The following SH3BP4 variants were observed in gnomAD, a reference collection of about 807,000 sequenced individuals.
SH3BP4 encodes the protein SH3 domain-binding protein 4.
A neutral mutation model predicts 65.5 loss-of-function variants in SH3BP4; 33 were observed. That is an observed-to-expected ratio of 0.50 (90% CI 0.38 to 0.67). The LOEUF (loss-of-function observed/expected upper bound fraction) is 0.67, where lower values mean the gene tolerates loss of function less well. Ranked by LOEUF, SH3BP4 falls within the 30% of genes least tolerant of loss-of-function variation. SH3BP4 has a pLI of 0.00. For missense variants in SH3BP4, 1,134 were observed against 1,261.4 expected, an observed-to-expected ratio of 0.90 and a Z score of 1.53; for synonymous variants, 552 against 545.5, an observed-to-expected ratio of 1.01 and a Z score of -0.17.
intron 3 of SH3BP4, among the ~76,000 whole-genome samples, chr2:235,038,313 T>A (rs1370623785): frequency 0.056 from 826 of 14,642 alleles, 64 homozygotes; most frequent in African/African-American, 0.19. Flanking sequence ...ATATATATAT[T>A]ATATATTATA....
At position 235,041,488 on chromosome 2, in the gene SH3BP4, G is replaced by C. The variant is rs1262378501; in HGVS notation, c.719G>C (p.Arg240Thr). ...PPVRRDNPFF[R>T]SKRSYSLSEL... ...GTCAGGCGGGACAACCCCTTCTTCAGAAGCAAGCGCTCCTACAGTCTCTCG... is the reference window on the plus strand; with the variant it reads ...GTCAGGCGGGACAACCCCTTCTTCACAAGCAAGCGCTCCTACAGTCTCTCG... Residue 240 changes from arginine (R) to threonine (T), a missense_variant, in exon 4 of 6, where the codon AGA becomes ACA. Physicochemically the swap from Arg to Thr is moderately conservative, Grantham distance 71. Transcript: ENST00000392011. This position sits in a 1 kb window ranked among gnomAD's most constrained non-coding sequence, Gnocchi z 6.0. 1 of 1,614,198 alleles carries C rather than the reference G, an allele frequency of 6.2e-7. No homozygotes were observed. The highest frequency in any genetic ancestry group is 1.3e-5 in the African/African-American group (1 of 75,064).
chr2:235,054,807 C>CTGTGGTTG lies in SH3BP4; in HGVS notation c.*992_*999dup, dbSNP rs1559263866. 1.3e-5 allele frequency: 2 copies of CTGTGGTTG among 152,236 alleles called. No homozygotes were observed. Among genetic ancestry groups the CTGTGGTTG allele is most frequent in the Non-Finnish European group, 2.9e-5 (2 of 68,044 alleles). The allele number at this position is 152,236 out of a possible 1,614,324, so 9.4% of individuals were successfully genotyped here. A position where few individuals can be genotyped will look rare whatever the true frequency, so the allele number is the denominator to read the frequency against. ...CTGACTCTCGTGCTTATTGCAGATG[C>CTGTGGTTG]TGTGGTTGGCCTCACAAGCAACGCC... On this transcript the variant is annotated 3_prime_UTR_variant, in exon 6 of 6. Coordinates refer to ENST00000392011, the MANE Select transcript of SH3BP4 (RefSeq NM_014521.3).
chr2:235,001,460 C>T (rs1368426644), intron 2 of SH3BP4, among the ~76,000 whole-genome samples: 4 of 152,192 alleles, frequency 2.6e-5, no homozygotes, highest in South Asian at 2.1e-4. Context: ...GGCCAGAGTG[C>T]ACAGCTGAAA....
chr2:235,019,869 T>G (rs1694800509), intron 2 of SH3BP4, among the ~76,000 whole-genome samples: 1 of 121,892 alleles, frequency 8.2e-6, no homozygotes, highest in Non-Finnish European at 1.6e-5. Context: ...ACTCTAAAGA[T>G]TCTTAAAAAA....
intron 2 of SH3BP4, among the ~76,000 whole-genome samples, chr2:235,014,340 C>T (rs1694619964): frequency 6.6e-6 from 1 of 152,090 alleles, no homozygotes. Flanking sequence ...GGGAGCTTAC[C>T]CTCTGTGTGC....
At chr2:234,995,761 CA>C (rs1359882309) in intron 2 of SH3BP4, 2 of 152,480 alleles carry the variant, frequency 1.3e-5, no homozygotes, top group Admixed American at 1.3e-4. Context: ...GCAGCTCCCC[CA>C]CCCCAGCAGC....
intron 1 of SH3BP4, among the ~76,000 whole-genome samples, chr2:234,953,928 C>T (rs929689766): frequency 2.6e-5 from 4 of 151,688 alleles, no homozygotes; most frequent in Admixed American, 6.6e-5. Flanking sequence ...TGCTTGTAGG[C>T]GGATTTCTTA....
At position 234,952,024 on chromosome 2, in the gene SH3BP4, C is replaced by T. The variant is rs1189179435; in HGVS notation, c.-353C>T. The T allele has an allele frequency of 1.4e-5, 2 of 146,666 alleles. No homozygotes were observed. The highest frequency in any genetic ancestry group is 4.9e-5 in the African/African-American group (2 of 40,726). The allele number at this position is 146,666 out of a possible 1,614,324, so 9.1% of individuals were successfully genotyped here. The stretch of plus-strand genomic sequence containing the variant: ...CCGCCGAGGCGGGGGCCCAGCGCGC[C>T]CGGCACTCTCGGCGGTCCGGGCCCC... On this transcript the variant is annotated 5_prime_UTR_variant, in exon 1 of 6. Coordinates refer to ENST00000392011, the MANE Select transcript of SH3BP4 (RefSeq NM_014521.3). This position sits in a 1 kb window ranked among gnomAD's most constrained non-coding sequence, Gnocchi z 6.5.
intron 1 of SH3BP4, among the ~76,000 whole-genome samples, chr2:234,962,077 A>C (rs1354493568): frequency 6.6e-6 from 1 of 152,034 alleles, no homozygotes; most frequent in African/African-American, 2.4e-5. Flanking sequence ...TCTTTTGTTC[A>C]CTGTAAGTAC....
At chr2:234,969,582 TC>T (rs149513737) in intron 1 of SH3BP4, among the ~76,000 whole-genome samples, 8,020 of 152,268 alleles carry the variant, frequency 0.053, 624 homozygotes, top group African/African-American at 0.17. Flanking sequence ...TCGTGCCTCT[TC>T]CTGGCCTGCA....
rs762299958 is a variant in SH3BP4 at position 235,053,603 on chromosome 2, G to A, written c.2679G>A (p.Lys893=). 4 of 1,613,996 alleles carry A rather than the reference G, an allele frequency of 2.5e-6. No homozygotes were observed. Among genetic ancestry groups the A allele is most frequent in the Non-Finnish European group, 2.5e-6 (3 of 1,179,912 alleles). ...NGVVDSEAMW[K]PAYDFLLTWS... ...ACTCCACCTCCCAGGCCATGTGGAA[G>A]CCTGCGTATGACTTCTTACTCACCT... The change falls in exon 6 of 6, where the codon AAG becomes AAA. Residue 893 remains lysine, a synonymous_variant. Coordinates refer to ENST00000392011, the MANE Select transcript of SH3BP4 (RefSeq NM_014521.3).
Position 235,041,884 on chromosome 2 carries a change from G to T in SH3BP4, c.1115G>T (p.Cys372Phe). The T allele has an allele frequency of 6.2e-7, 1 of 1,612,864 alleles. No homozygotes were observed. Among genetic ancestry groups the T allele is most frequent in the East Asian group, 2.2e-5 (1 of 44,842 alleles). The change falls in exon 4 of 6, where the codon TGC (cysteine) becomes TTC (phenylalanine). Residue 372 changes from cysteine to phenylalanine, a missense_variant. Physicochemically the swap from Cys to Phe is radical, Grantham distance 205. Transcript: ENST00000392011. This position sits in a 1 kb window ranked among gnomAD's most constrained non-coding sequence, Gnocchi z 6.0. ...PPLELNSDRS[C>F]SISPVLEVKL... is the part of the protein sequence containing the mutation. Reference sequence around the variant, plus strand: ...CTGGAGCTCAACAGTGACAGGTCCTGCAGCATCAGCCCTGTGCTGGAGGTC... The same window carrying T: ...CTGGAGCTCAACAGTGACAGGTCCTTCAGCATCAGCCCTGTGCTGGAGGTC...
Position 235,041,795 on chromosome 2 carries a change from C to G in SH3BP4, c.1026C>G (p.Pro342=). Residue 342 remains proline, a synonymous_variant, in exon 4 of 6, where the codon CCC becomes CCG. Coordinates refer to ENST00000392011, the MANE Select transcript of SH3BP4 (RefSeq NM_014521.3). The surrounding 1 kb of genome is among the most constrained non-coding windows in gnomAD (Gnocchi z 6.0). ...ACACCAGCATCAGCATCCACGTGCC[C>G]GAGGGCCACGTCGCCCCTGGGGAGA... is the stretch of plus-strand genomic sequence containing the variant. ...LPDTSISIHV[P]EGHVAPGETQ... The G allele has an allele frequency of 6.3e-7, 1 of 1,594,478 alleles. No individual in the cohort carries two copies. The highest frequency in any genetic ancestry group is 8.6e-7 in the Non-Finnish European group (1 of 1,168,784).
Position 235,045,377 on chromosome 2 carries a change from A to G in SH3BP4, c.2478+2130A>G, listed in dbSNP as rs1055391307. On this transcript the variant is annotated intron_variant, in intron 4 of 5. Transcript: ENST00000392011. This position sits in a 1 kb window ranked among gnomAD's most constrained non-coding sequence, Gnocchi z 4.3. ...TTTACACTCATTTTCCTGCTTTTTTATCTTTTTCCAAAAGACATAAATGAT... is the reference window on the plus strand; with the variant it reads ...TTTACACTCATTTTCCTGCTTTTTTGTCTTTTTCCAAAAGACATAAATGAT... 6.6e-6 allele frequency among the ~76,000 whole-genome samples: 1 copy of G among 152,142 alleles called. No individual in the cohort carries two copies. The highest frequency in any genetic ancestry group is 2.4e-5 in the African/African-American group (1 of 41,446).
intron 2 of SH3BP4, among the ~76,000 whole-genome samples, chr2:235,029,600 T>C (rs1695112953): frequency 6.6e-6 from 1 of 152,214 alleles, no homozygotes; most frequent in South Asian, 2.1e-4. Context: ...AGCTAATGTA[T>C]GTTTCCTAAT....
chr2:235,011,320 T>C (rs189655765), intron 2 of SH3BP4, among the ~76,000 whole-genome samples: 88 of 152,344 alleles, frequency 5.8e-4, no homozygotes, highest in African/African-American at 1.9e-3. Context: ...TCTGCCTTCA[T>C]TGTTATGTGG....
At chr2:234,988,272 G>A (rs1014860008) in intron 1 of SH3BP4, among the ~76,000 whole-genome samples, 9 of 152,084 alleles carry the variant, frequency 5.9e-5, no homozygotes, top group Non-Finnish European at 1.3e-4. Context: ...TGTTAGCCAG[G>A]ATAGTCTTGA....
intron 2 of SH3BP4, among the ~76,000 whole-genome samples, chr2:235,019,326 G>A (rs1321321858): frequency 2.0e-5 from 3 of 151,974 alleles, no homozygotes; most frequent in East Asian, 1.9e-4. Flanking sequence ...ATACACTGGC[G>A]ATCACACTGA....
At chr2:234,964,554 A>C (rs1217456667) in intron 1 of SH3BP4, among the ~76,000 whole-genome samples, 2 of 152,108 alleles carry the variant, frequency 1.3e-5, no homozygotes, top group Non-Finnish European at 2.9e-5. Flanking sequence ...GGGTCAGGAC[A>C]GGATCCCTAA....
Sources: allele counts gnomAD v4.1 joint callset (sites outside exome capture counted in the v4.1 genomes callset), GRCh38; gene constraint gnomAD v4.1.1; non-coding constraint Gnocchi (gnomAD v3.1); transcripts MANE v1.5; gene names NCBI Gene and HGNC (gene_info 2026-07-23, HGNC 2026-07-21).